AGAP1: variants seen among roughly 807,000 people sequenced by gnomAD.
AGAP1 encodes the protein ArfGAP with GTPase domain, ankyrin repeat and PH domain 1.
Under a neutral mutation model 105.3 loss-of-function variants are expected in AGAP1, and 29 were observed. That is an observed-to-expected ratio of 0.28 (90% CI 0.21 to 0.38). AGAP1 has a LOEUF of 0.38. Ranked by LOEUF, AGAP1 falls within the 10% of genes least tolerant of loss-of-function variation. AGAP1 has a pLI of 1.00. For synonymous variants in AGAP1, 509 were observed against 485.9 expected, an observed-to-expected ratio of 1.05 and a Z score of -0.63; for missense variants, 998 against 1,165.1, an observed-to-expected ratio of 0.86 and a Z score of 2.09.
At chr2:235,717,781 A>G in intron 3 of AGAP1, 137 bp downstream of exon 3, 1 of 729,288 alleles carries the variant, frequency 1.4e-6, no homozygotes. Context: ...AAAACCCTTA[A>G]GTATGTGGTT....
rs1430151899 is a variant in AGAP1, at chr2:235,879,904, A to C, written c.1051-3441A>C. ...AGCTGTAATTGCATCAGTACACTGC[A>C]CTCCAACCTGGGCAACAGAGCGAGA... On this transcript the variant is annotated intron_variant, in intron 9 of 17. Coordinates refer to ENST00000304032, the MANE Select transcript of AGAP1 (RefSeq NM_001037131.3). The surrounding 1 kb of genome is among the most constrained non-coding windows in gnomAD (Gnocchi z 5.0). Among the ~76,000 whole-genome samples the C allele has an allele frequency of 6.6e-6, 1 of 152,118 alleles. No homozygotes were observed. Among genetic ancestry groups the C allele is most frequent in the Non-Finnish European group, 1.5e-5 (1 of 68,024 alleles).
Position 235,801,558 on chromosome 2 carries a change from C to T in AGAP1, c.957+2036C>T, listed in dbSNP as rs186984642. Among the ~76,000 whole-genome samples the T allele has an allele frequency of 4.6e-5, 7 of 152,064 alleles. No individual in the cohort carries two copies. Among genetic ancestry groups the T allele is most frequent in the Admixed American group, 3.9e-4 (6 of 15,288 alleles). Reference sequence around the variant, plus strand: ...CACCTAAATAGCTGCTTCCCAGCTCCGTCTAACACCTGGAGCAGCCCCTGT... The same window carrying T: ...CACCTAAATAGCTGCTTCCCAGCTCTGTCTAACACCTGGAGCAGCCCCTGT... On this transcript the variant is annotated intron_variant, in intron 8 of 17. Coordinates refer to ENST00000304032, the MANE Select transcript of AGAP1 (RefSeq NM_001037131.3). The surrounding 1 kb of genome is among the most constrained non-coding windows in gnomAD (Gnocchi z 6.0).
chr2:236,084,377 G>A (rs1216909594), intron 16 of AGAP1, among the ~76,000 whole-genome samples: 4 of 152,132 alleles, frequency 2.6e-5, no homozygotes, highest in Non-Finnish European at 4.4e-5. Flanking sequence ...GATAAGTAGT[G>A]GTTTTTCCCT....
At chr2:235,667,269 C>G (rs533470479) in intron 1 of AGAP1, among the ~76,000 whole-genome samples, 1 of 152,206 alleles carries the variant, frequency 6.6e-6, no homozygotes, top group African/African-American at 2.4e-5. Context: ...GCAGTAGGTA[C>G]TCAATATATA....
chr2:236,013,596 A>G (rs2125571396), intron 13 of AGAP1, among the ~76,000 whole-genome samples: 1 of 145,778 alleles, frequency 6.9e-6, no homozygotes, highest in South Asian at 2.3e-4. Context: ...CTGCCCGTCC[A>G]GATAAGTGCT....
chr2:236,047,610 T>TTTA, intron 15 of AGAP1, among the ~76,000 whole-genome samples: 1 of 130,632 alleles, frequency 7.7e-6, no homozygotes, highest in African/African-American at 3.1e-5. Flanking sequence ...TTTTTTTTTT[T>TTTA]TTTTTTTTTT....
chr2:235,716,449 G>T lies in AGAP1; in HGVS notation c.223-1108G>T, dbSNP rs1951109619. The stretch of plus-strand genomic sequence containing the variant: ...TGGTAGCAACAGGGCCAGAGCTTCA[G>T]ATAATTTGAGTGGAGGCAGGAGGGA... On this transcript the variant is annotated intron_variant, in intron 2 of 17. Transcript: ENST00000304032. This position sits in a 1 kb window ranked among gnomAD's most constrained non-coding sequence, Gnocchi z 4.0. 6.6e-6 allele frequency among the ~76,000 whole-genome samples: 1 copy of T among 152,280 alleles called. No homozygotes were observed. The highest frequency in any genetic ancestry group is 2.4e-5 in the African/African-American group (1 of 41,538).
At chr2:235,876,921 C>T (rs1421938664) in intron 9 of AGAP1, among the ~76,000 whole-genome samples, 1 of 149,648 alleles carries the variant, frequency 6.7e-6, no homozygotes, top group Non-Finnish European at 1.5e-5. Flanking sequence ...AATCTTGGCT[C>T]ACTGCAACCT....
chr2:235,685,226 C>T (rs1267107321), intron 1 of AGAP1, among the ~76,000 whole-genome samples: 1 of 152,020 alleles, frequency 6.6e-6, no homozygotes, highest in Non-Finnish European at 1.5e-5. Flanking sequence ...CCACAAGCCG[C>T]CTCCCTGACC....
rs1402078374 is a variant in AGAP1 at position 235,879,358 on chromosome 2, A to G, written c.1051-3987A>G. 3.3e-5 allele frequency among the ~76,000 whole-genome samples: 5 copies of G among 152,314 alleles called. No homozygotes were observed. Among genetic ancestry groups the G allele is most frequent in the Middle Eastern group, 6.8e-3 (2 of 294 alleles). ...CAAGTGGCTCTTGGTCGCCACAGCAATTCTTGGGGGGGTCAGATAATAAAC... is the reference window on the plus strand; with the variant it reads ...CAAGTGGCTCTTGGTCGCCACAGCAGTTCTTGGGGGGGTCAGATAATAAAC... On this transcript the variant is annotated intron_variant, in intron 9 of 17. Transcript: ENST00000304032. The surrounding 1 kb of genome is among the most constrained non-coding windows in gnomAD (Gnocchi z 5.0).
At position 235,970,199 on chromosome 2, in the gene AGAP1, C is replaced by G. The variant is rs554292519; in HGVS notation, c.1645+1576C>G. On this transcript the variant is annotated intron_variant, in intron 13 of 17. Coordinates refer to ENST00000304032, the MANE Select transcript of AGAP1 (RefSeq NM_001037131.3). This position sits in a 1 kb window ranked among gnomAD's most constrained non-coding sequence, Gnocchi z 5.4. Reference sequence around the variant, plus strand: ...CCTGGGCGGGCGACAGAGTGAGACTCTGTCTTTAAAAAAAAAAAAAAAAAA... The same window carrying G: ...CCTGGGCGGGCGACAGAGTGAGACTGTGTCTTTAAAAAAAAAAAAAAAAAA... Among the ~76,000 whole-genome samples, 1 of 115,852 alleles carries G rather than the reference C, an allele frequency of 8.6e-6. No individual in the cohort carries two copies. The highest frequency in any genetic ancestry group is 2.4e-4 in the East Asian group (1 of 4,118). 76.0% of individuals were successfully genotyped at this position (115,852 alleles called of 152,430 possible). A position where few individuals can be genotyped will look rare whatever the true frequency, so the allele number is the denominator to read the frequency against.
intron 9 of AGAP1, among the ~76,000 whole-genome samples, chr2:235,846,117 C>T (rs1961462245): frequency 1.3e-5 from 2 of 152,236 alleles, no homozygotes; most frequent in Admixed American, 6.5e-5. Flanking sequence ...GTCTTTTTCT[C>T]CATAAGTCAT....
At chr2:235,525,445 TGGA>T (rs1574764435) in intron 1 of AGAP1, among the ~76,000 whole-genome samples, 2 of 151,482 alleles carry the variant, frequency 1.3e-5, no homozygotes, top group East Asian at 3.9e-4. Flanking sequence ...ATACATAATG[TGGA>T]GGACTGATAC....
chr2:235,886,191 G>C (rs1270342462), intron 10 of AGAP1, among the ~76,000 whole-genome samples: 1 of 152,238 alleles, frequency 6.6e-6, no homozygotes, highest in African/African-American at 2.4e-5. Context: ...TATGGACCCT[G>C]TCAGAGAGCA....
At chr2:235,572,983 T>TTCC (rs1944584055) in intron 1 of AGAP1, among the ~76,000 whole-genome samples, 1 of 25,242 alleles carries the variant, frequency 4.0e-5, no homozygotes, top group African/African-American at 1.9e-4. Flanking sequence ...TTTTTTCTTC[T>TTCC]TCTTCTTCTT....
intron 1 of AGAP1, among the ~76,000 whole-genome samples, chr2:235,502,563 T>G (rs908125487): frequency 2.0e-5 from 3 of 152,204 alleles, no homozygotes; most frequent in African/African-American, 7.2e-5. Flanking sequence ...TCCCGCTGTT[T>G]GATGGGGATT....
chr2:235,511,336 G>C (rs904871628), intron 1 of AGAP1, among the ~76,000 whole-genome samples: 1 of 152,222 alleles, frequency 6.6e-6, no homozygotes, highest in East Asian at 1.9e-4. Context: ...AGAGGGGCCC[G>C]CCCTCTCGGT....
At chr2:235,510,416 A>G (rs952854809) in intron 1 of AGAP1, among the ~76,000 whole-genome samples, 11 of 152,092 alleles carry the variant, frequency 7.2e-5, no homozygotes, top group African/African-American at 2.4e-4. Context: ...GTTCCATTGT[A>G]TGGATTTACT....
At chr2:235,858,625 T>C (rs1016623044) in intron 9 of AGAP1, among the ~76,000 whole-genome samples, 3 of 152,258 alleles carry the variant, frequency 2.0e-5, no homozygotes, top group African/African-American at 7.2e-5. Flanking sequence ...CAATGAATTA[T>C]ATTTTGTATG....
Sources: gnomAD v4.1 joint callset for allele counts (sites outside exome capture counted in the v4.1 genomes callset) on GRCh38, gnomAD v4.1.1 for gene constraint, Gnocchi (gnomAD v3.1) non-coding constraint, MANE v1.5 for transcripts, NCBI Gene and HGNC (gene_info 2026-07-23, HGNC 2026-07-21) for gene names.